The following ARHGAP42 variants were observed in gnomAD, a reference collection of about 807,000 sequenced individuals.
ARHGAP42 encodes the protein rho GTPase-activating protein 42.
ARHGAP42 carries 63 observed loss-of-function variants against 125.0 expected under a neutral mutation model. That is an observed-to-expected ratio of 0.50 (90% CI 0.41 to 0.62). The LOEUF is 0.62. ARHGAP42 is among the 20% of genes least tolerant of loss of function. ARHGAP42 has a pLI of 0.00. For synonymous variants in ARHGAP42, 339 were observed against 351.0 expected, an observed-to-expected ratio of 0.97 and a Z score of 0.38; for missense variants, 766 against 1,024.2, an observed-to-expected ratio of 0.75 and a Z score of 3.44.
At chr11:100,689,389 G>T (rs1481060447) in intron 1 of ARHGAP42, among the ~76,000 whole-genome samples, 1 of 152,160 alleles carries the variant, frequency 6.6e-6, no homozygotes, top group East Asian at 1.9e-4. Context: ...CAAATGCCAA[G>T]CCAGTTCTTG....
intron 1 of ARHGAP42, among the ~76,000 whole-genome samples, chr11:100,767,885 ATATG>A (rs1309438477): frequency 6.6e-6 from 1 of 152,180 alleles, no homozygotes; most frequent in African/African-American, 2.4e-5. Flanking sequence ...ACTGTCTAAT[ATATG>A]TTTAAAAAGA....
At chr11:100,831,842 A>G (rs1032946989) in intron 3 of ARHGAP42, among the ~76,000 whole-genome samples, 1 of 152,234 alleles carries the variant, frequency 6.6e-6, no homozygotes. Context: ...AATGCATTCT[A>G]TGCCTCCTAT....
At chr11:100,921,296 T>A (rs1396114164) in intron 5 of ARHGAP42, among the ~76,000 whole-genome samples, 198 bp from the exon 6 acceptor site, 1 of 136,622 alleles carries the variant, frequency 7.3e-6, no homozygotes, top group Non-Finnish European at 1.5e-5. Context: ...ATTGTGTACT[T>A]ACTCCGTGTG....
chr11:100,715,215 G>A (rs1425299447), intron 1 of ARHGAP42, among the ~76,000 whole-genome samples: 3 of 152,110 alleles, frequency 2.0e-5, no homozygotes, highest in African/African-American at 7.2e-5. Flanking sequence ...AAAACTTGGT[G>A]GAAGAAGTAT....
chr11:100,871,753 C>CT (rs1412835444), intron 4 of ARHGAP42, among the ~76,000 whole-genome samples: 6 of 151,930 alleles, frequency 3.9e-5, no homozygotes, highest in African/African-American at 7.2e-5. Context: ...TTCATTTGTT[C>CT]TTTTTTTTAG....
chr11:100,861,218 G>T (rs188979216), intron 4 of ARHGAP42, among the ~76,000 whole-genome samples: 2 of 152,188 alleles, frequency 1.3e-5, no homozygotes, highest in Non-Finnish European at 2.9e-5. Context: ...TTCCAGAAAA[G>T]GGAATGGAAT....
intron 3 of ARHGAP42, among the ~76,000 whole-genome samples, chr11:100,798,817 G>A (rs1051535013): frequency 2.6e-5 from 4 of 152,176 alleles, no homozygotes; most frequent in African/African-American, 9.7e-5. Flanking sequence ...CTGGGACTGT[G>A]ACACAGTATG....
intron 3 of ARHGAP42, 165 bp from the exon 4 acceptor site, chr11:100,859,389 C>CTTAA (rs1865391972): frequency 2.1e-6 from 1 of 479,180 alleles, no homozygotes; most frequent in African/African-American, 2.0e-5. Context: ...GCGAAAACAG[C>CTTAA]TTAATTATAT....
At chr11:100,975,472 G>A (rs1055960640) in intron 19 of ARHGAP42, among the ~76,000 whole-genome samples, 1 of 152,074 alleles carries the variant, frequency 6.6e-6, no homozygotes, top group African/African-American at 2.4e-5. Flanking sequence ...AATAAAACCA[G>A]CAAAATAGCC....
At chr11:100,965,625 G>A in intron 16 of ARHGAP42, 46 bp from the exon 17 acceptor site, 1 of 1,457,024 alleles carries the variant, frequency 6.9e-7, no homozygotes, top group Non-Finnish European at 9.4e-7. Context: ...ATACCCAATT[G>A]AATGGAATTA....
chr11:100,764,482 C>G (rs1416527678), intron 1 of ARHGAP42, among the ~76,000 whole-genome samples: 1 of 152,116 alleles, frequency 6.6e-6, no homozygotes, highest in African/African-American at 2.4e-5. Flanking sequence ...GCCCTCATAG[C>G]TTTGTGTAAG....
intron 3 of ARHGAP42, among the ~76,000 whole-genome samples, chr11:100,822,425 A>G (rs1864424450): frequency 6.6e-6 from 1 of 152,086 alleles, no homozygotes; most frequent in Admixed American, 6.6e-5. Context: ...GTCTCTTTCT[A>G]TAATAATAAT....
chr11:100,717,019 A>G (rs1178704005), intron 1 of ARHGAP42, among the ~76,000 whole-genome samples: 1 of 152,210 alleles, frequency 6.6e-6, no homozygotes. Context: ...TCTGTTGAAT[A>G]ACACACATCA....
chr11:100,841,011 G>A (rs960315075), intron 3 of ARHGAP42, among the ~76,000 whole-genome samples: 1 of 152,108 alleles, frequency 6.6e-6, no homozygotes, highest in African/African-American at 2.4e-5. Context: ...ATTATTTTCA[G>A]TGTAGTATAA....
intron 1 of ARHGAP42, among the ~76,000 whole-genome samples, chr11:100,753,320 T>C (rs1461141035): frequency 6.6e-6 from 1 of 152,172 alleles, no homozygotes; most frequent in Non-Finnish European, 1.5e-5. Context: ...TCACCTGCAG[T>C]GTTCACTAGC....
chr11:100,949,773 A>G, intron 11 of ARHGAP42, 144 bp from the exon 12 acceptor site: 1 of 424,640 alleles, frequency 2.4e-6, no homozygotes, highest in South Asian at 6.2e-5. Context: ...TTGATGGTAC[A>G]CAGGTGGTGC....
At chr11:100,804,547 A>ATT (rs769218224) in intron 3 of ARHGAP42, among the ~76,000 whole-genome samples, 11 of 144,674 alleles carry the variant, frequency 7.6e-5, no homozygotes, top group Non-Finnish European at 1.4e-4. Flanking sequence ...TAATTTTTAA[A>ATT]TTTTTTTTTT....
intron 4 of ARHGAP42, among the ~76,000 whole-genome samples, chr11:100,906,150 T>C (rs1378066606): frequency 1.3e-5 from 2 of 152,244 alleles, no homozygotes; most frequent in African/African-American, 4.8e-5. Flanking sequence ...AAAAAATTCC[T>C]GTTTTTTCAG....
At chr11:100,781,751 C>T (rs1863316885) in intron 2 of ARHGAP42, among the ~76,000 whole-genome samples, 1 of 152,104 alleles carries the variant, frequency 6.6e-6, no homozygotes, top group Non-Finnish European at 1.5e-5. Flanking sequence ...TTTTAATATA[C>T]AGATATCTGT....
Sources: gnomAD v4.1 joint callset for allele counts (sites outside exome capture counted in the v4.1 genomes callset) on GRCh38, gnomAD v4.1.1 for gene constraint, MANE v1.5 for transcripts, NCBI Gene and HGNC (gene_info 2026-07-23, HGNC 2026-07-21) for gene names.